Variants in VEPH1 observed in about 807,000 individuals in gnomAD.
VEPH1 encodes the protein ventricular zone expressed PH domain containing 1.
Under a neutral mutation model 85.2 loss-of-function variants are expected in VEPH1, and 80 were observed. The ratio of observed to expected loss-of-function variants is 0.94; its 90% CI spans 0.78 to 1.13. VEPH1 has a LOEUF of 1.13. Among genes scored for constraint, VEPH1 ranks in the 50% most tolerant of loss-of-function variants. The probability of loss-of-function intolerance (pLI) is 0.00; values close to 1 mark genes in which losing one functional copy is unlikely to be tolerated. For missense variants in VEPH1, 955 were observed against 980.5 expected, an observed-to-expected ratio of 0.97 and a Z score of 0.35; for synonymous variants, 297 against 348.0, an observed-to-expected ratio of 0.85 and a Z score of 1.63.
rs376272538 is a variant in VEPH1, at chr3:157,495,247, C to T, written c.103G>A (p.Ala35Thr). The T allele has an allele frequency of 4.3e-6, 7 of 1,613,980 alleles. No homozygotes were observed. The South Asian group carries it at 6.6e-5, about 15-fold the overall frequency. Residue 35 changes from alanine to threonine, a missense_variant, in exon 2 of 14, where the codon GCT becomes ACT. By Grantham distance (58) the Ala-to-Thr change is moderately conservative. Coordinates refer to ENST00000362010, the MANE Select transcript of VEPH1 (RefSeq NM_001167912.2). Reference protein sequence around the residue: ...DSEIEDSLTEALEQIKIISSS... With the variant: ...DSEIEDSLTETLEQIKIISSS... The stretch of plus-strand genomic sequence containing the variant: ...CTAATTATCTTAATTTGCTCCAAAG[C>T]TTCTGTAAGGCTGTCTTCAATCTCA...
chr3:157,383,289 C>T (rs1237974309), intron 6 of VEPH1, among the ~76,000 whole-genome samples: 1 of 152,176 alleles, frequency 6.6e-6, no homozygotes, highest in South Asian at 2.1e-4. Context: ...ACACAATCCC[C>T]CTCACCTTTT....
intron 9 of VEPH1, among the ~76,000 whole-genome samples, chr3:157,340,975 A>C (rs749164240): frequency 7.9e-5 from 12 of 152,218 alleles, no homozygotes; most frequent in Non-Finnish European, 1.6e-4. Context: ...TGACTGTTAG[A>C]AGGAAAACTA....
chr3:157,313,865 TAA>T (rs1720415875), intron 10 of VEPH1, 110 bp from the exon 11 acceptor site: 1 of 1,297,916 alleles, frequency 7.7e-7, no homozygotes, highest in Non-Finnish European at 1.1e-6. Context: ...TAACATGATT[TAA>T]TTTTAAATGA....
At position 157,428,418 on chromosome 3, in the gene VEPH1, C is replaced by T; in HGVS notation, c.600G>A (p.Leu200=). 6.2e-7 allele frequency: 1 copy of T among 1,614,078 alleles called. No individual in the cohort carries two copies. The highest frequency in any genetic ancestry group is 1.3e-5 in the African/African-American group (1 of 75,040). ...GAGACATCAAGGCCAGGAGTTCTGT[C>T]AGGTGTCTATTAATTGGCTGAGGCT... is the stretch of plus-strand genomic sequence containing the variant. ...EKQPQPINRH[L]TELLALMSQL... Residue 200 remains leucine (L), a synonymous_variant, in exon 5 of 14, where the codon CTG becomes CTA. Coordinates refer to ENST00000362010, the MANE Select transcript of VEPH1 (RefSeq NM_001167912.2).
At chr3:157,493,857 T>C (rs1006514935) in intron 2 of VEPH1, among the ~76,000 whole-genome samples, 9 of 152,348 alleles carry the variant, frequency 5.9e-5, no homozygotes, top group East Asian at 1.9e-4. Context: ...AGGGAACTTA[T>C]GTGATCTTTG....
intron 9 of VEPH1, among the ~76,000 whole-genome samples, chr3:157,346,264 A>G (rs1724210760): frequency 6.6e-6 from 1 of 152,202 alleles, no homozygotes; most frequent in Non-Finnish European, 1.5e-5. Context: ...GATTTCTATT[A>G]TCAGCAAAAT....
At chr3:157,289,452 C>T (rs1437146840) in intron 11 of VEPH1, among the ~76,000 whole-genome samples, 2 of 152,202 alleles carry the variant, frequency 1.3e-5, no homozygotes, top group Non-Finnish European at 2.9e-5. Context: ...AGGATATCCA[C>T]GGTAGTTGTA....
chr3:157,271,984 T>C (rs547790240), intron 12 of VEPH1, among the ~76,000 whole-genome samples: 1 of 152,370 alleles, frequency 6.6e-6, no homozygotes, highest in East Asian at 1.9e-4. Context: ...CTAAGGGTCC[T>C]GGGAATTTAA....
At chr3:157,498,215 C>T (rs905051771) in intron 1 of VEPH1, among the ~76,000 whole-genome samples, 2 of 152,324 alleles carry the variant, frequency 1.3e-5, no homozygotes, top group Non-Finnish European at 1.5e-5. Context: ...AGGGTCATGT[C>T]CCAGCTCAGC....
chr3:157,488,801 C>G (rs78605725), intron 2 of VEPH1, among the ~76,000 whole-genome samples: 1,798 of 151,888 alleles, frequency 0.012, 35 homozygotes, highest in African/African-American at 0.038. Context: ...TTCCTACACT[C>G]CCTTCCCCTC....
chr3:157,434,667 A>G (rs1733415677), intron 4 of VEPH1, among the ~76,000 whole-genome samples: 1 of 152,172 alleles, frequency 6.6e-6, no homozygotes, highest in South Asian at 2.1e-4. Flanking sequence ...TGTTTCATTA[A>G]TATTTATGGT....
At chr3:157,361,399 C>T (rs989455903) in intron 9 of VEPH1, among the ~76,000 whole-genome samples, 2 of 152,162 alleles carry the variant, frequency 1.3e-5, no homozygotes. Context: ...ACTCTTTCCT[C>T]TGATTTGAAG....
At chr3:157,360,800 G>A (rs772920699) in intron 9 of VEPH1, among the ~76,000 whole-genome samples, 8 of 152,072 alleles carry the variant, frequency 5.3e-5, no homozygotes, top group Non-Finnish European at 1.5e-5. Flanking sequence ...CGATTGTACA[G>A]TCAAAAAATC....
intron 6 of VEPH1, among the ~76,000 whole-genome samples, chr3:157,408,271 C>T (rs562540746): frequency 5.9e-5 from 9 of 152,248 alleles, no homozygotes; most frequent in Admixed American, 5.9e-4. Flanking sequence ...ATAATGACTC[C>T]ATATTCCCCT....
chr3:157,464,947 T>C (rs1577720724), intron 3 of VEPH1, among the ~76,000 whole-genome samples: 1 of 152,228 alleles, frequency 6.6e-6, no homozygotes, highest in African/African-American at 2.4e-5. Context: ...ACATATAAAA[T>C]GGTTCATTCT....
chr3:157,286,684 G>A lies in VEPH1; in HGVS notation c.2011-10C>T, dbSNP rs747379846. The stretch of plus-strand genomic sequence containing the variant: ...GTACCTGGTCCAGATCCTGTGTCAG[G>A]AACACAAAGCACAAAGAACATAAGC... On this transcript the variant is annotated splice_polypyrimidine_tract_variant and intron_variant, in intron 11 of 13. Transcript: ENST00000362010. 5 of 1,608,450 alleles carry A rather than the reference G, an allele frequency of 3.1e-6. No individual in the cohort carries two copies. The highest frequency in any genetic ancestry group is 1.7e-5 in the Admixed American group (1 of 59,976).
chr3:157,460,092 T>G lies in VEPH1; in HGVS notation c.529+89A>C, dbSNP rs779879701. ...ATTAATTTGCTTCTAATACTCTAGG[T>G]CTTGCTTCCCACAAACCATAAATGC... is the stretch of plus-strand genomic sequence containing the variant. On this transcript the variant is annotated intron_variant, in intron 4 of 13. Coordinates refer to ENST00000362010, the MANE Select transcript of VEPH1 (RefSeq NM_001167912.2). 5.0e-6 allele frequency: 8 copies of G among 1,612,156 alleles called. No homozygotes were observed. The East Asian group carries it at 1.6e-4, about 31-fold the overall frequency.
chr3:157,494,676 A>G (rs1739508602), intron 2 of VEPH1, among the ~76,000 whole-genome samples: 1 of 152,176 alleles, frequency 6.6e-6, no homozygotes, highest in South Asian at 2.1e-4. Flanking sequence ...AGATAAAAAT[A>G]GAGACAATAC....
At chr3:157,489,622 C>G (rs151250090) in intron 2 of VEPH1, among the ~76,000 whole-genome samples, 1 of 152,190 alleles carries the variant, frequency 6.6e-6, no homozygotes, top group Admixed American at 6.6e-5. Flanking sequence ...CTACATAGCA[C>G]TTACTTATAA....
Sources: allele counts gnomAD v4.1 joint callset (sites outside exome capture counted in the v4.1 genomes callset), GRCh38; gene constraint gnomAD v4.1.1; transcripts MANE v1.5; gene names NCBI Gene and HGNC (gene_info 2026-07-23, HGNC 2026-07-21).